Variants in OBSL1 observed in about 807,000 individuals in gnomAD.
The protein encoded by OBSL1 is obscurin like cytoskeletal adaptor 1.
OBSL1 carries 160 observed loss-of-function variants against 172.0 expected under a neutral mutation model. That is an observed-to-expected ratio of 0.93 (90% CI 0.82 to 1.06). The LOEUF (loss-of-function observed/expected upper bound fraction) is 1.06, where lower values mean the gene tolerates loss of function less well. OBSL1 is among the 50% of genes least tolerant of loss of function. OBSL1 has a pLI of 0.00. For synonymous variants in OBSL1, 1,200 were observed against 1,196.3 expected, an observed-to-expected ratio of 1.00 and a Z score of -0.06; for missense variants, 2,681 against 2,715.4, an observed-to-expected ratio of 0.99 and a Z score of 0.28.
intron 20 of OBSL1, chr2:219,551,241 T>G: frequency 7.2e-7 from 1 of 1,394,628 alleles, no homozygotes; most frequent in Non-Finnish European, 9.3e-7. Flanking sequence ...AACAGGGCTG[T>G]TCAAGAGAGA....
chr2:219,559,731 T>G, intron 8 of OBSL1: 1 of 507,974 alleles, frequency 2.0e-6, no homozygotes, highest in Non-Finnish European at 3.5e-6. Flanking sequence ...ATCACATACC[T>G]TCCTCAGCCC....
At chr2:219,552,824 C>G (rs373982957) in intron 17 of OBSL1, 44 bp downstream of exon 17, 78 of 1,536,450 alleles carry the variant, frequency 5.1e-5, no homozygotes, top group Non-Finnish European at 6.5e-5. Context: ...CCGCAAGTCT[C>G]GCGCCCAAAG....
Position 219,556,200 on chromosome 2 carries a change from C to T in OBSL1, c.4429G>A (p.Ala1477Thr), listed in dbSNP as rs199936876. 2,618 of 1,612,046 alleles carry T rather than the reference C, an allele frequency of 1.6e-3. 2 individuals are homozygous for T. The highest frequency in any genetic ancestry group is 2.0e-3 in the Non-Finnish European group (2,350 of 1,179,098). Residue 1477 changes from alanine (A) to threonine (T), a missense_variant, in exon 14 of 21, where the codon GCA (alanine) becomes ACA (threonine). Ala to Thr is a moderately conservative substitution (Grantham distance 58). Coordinates refer to ENST00000404537, the MANE Select transcript of OBSL1 (RefSeq NM_015311.3). ...CLEVETGRVG[A>T]AGAVRWVRGG... Reference sequence around the variant, plus strand: ...CGCACCCAGCGCACGGCCCCCGCTGCACCCACTCGGCCTGTCTCCACTTCG... The same window carrying T: ...CGCACCCAGCGCACGGCCCCCGCTGTACCCACTCGGCCTGTCTCCACTTCG...
chr2:219,547,219 C>T (rs777376058), downstream of OBSL1: 59 of 318,464 alleles, frequency 1.9e-4, no homozygotes, highest in Non-Finnish European at 2.7e-4. Context: ...ACTCTTGACT[C>T]AAAAGATTTA....
In OBSL1 at chr2:219,565,464, T is replaced by C. The variant is rs752398238; in HGVS notation, c.2185A>G (p.Thr729Ala). The change falls in exon 6 of 21, where the codon ACA (threonine) becomes GCA (alanine). Residue 729 changes from threonine to alanine, a missense_variant. By Grantham distance (58) the Thr-to-Ala change is moderately conservative (BLOSUM62 0). Coordinates refer to ENST00000404537, the MANE Select transcript of OBSL1 (RefSeq NM_015311.3). ...GTCAGCACCACCCGCTCTGAGGTTGTGAAGGTCAACGACACCCTGTCCTGG... is the reference window on the plus strand; with the variant it reads ...GTCAGCACCACCCGCTCTGAGGTTGCGAAGGTCAACGACACCCTGTCCTGG... ...SPQDRVSLTFTTSERVVLTCE... is the reference protein window; with the variant it reads ...SPQDRVSLTFATSERVVLTCE... The C allele has an allele frequency of 7.4e-6, 12 of 1,612,980 alleles. No homozygotes were observed. Among genetic ancestry groups the C allele is most frequent in the East Asian group, 2.2e-5 (1 of 44,880 alleles).
At chr2:219,551,482 C>G in intron 20 of OBSL1, 47 bp downstream of exon 20, 17 of 1,527,090 alleles carry the variant, frequency 1.1e-5, no homozygotes, top group Non-Finnish European at 1.5e-5. Flanking sequence ...CCCATCAGCT[C>G]CCAGGCGCCC....
rs564050558 is a variant in OBSL1 at position 219,558,293 on chromosome 2, G to A, written c.3393C>T (p.Ala1131=). Residue 1131 remains alanine (A), a synonymous_variant, in exon 10 of 21, where the codon GCC becomes GCT. Transcript: ENST00000404537. ...GGGTCAGGGTGCGGGTGGGCCCCTC[G>A]GCACCCAGCTGCAGGGCATCTGATG... ...VEASDALQLG[A]EGPTRTLTLP... The A allele has an allele frequency of 2.5e-6, 4 of 1,611,748 alleles. No homozygotes were observed. The highest frequency in any genetic ancestry group is 1.7e-4 in the Middle Eastern group (1 of 6,050).
chr2:219,560,939 G>C (rs1166620095), intron 8 of OBSL1, among the ~76,000 whole-genome samples: 1 of 152,206 alleles, frequency 6.6e-6, no homozygotes, highest in Non-Finnish European at 1.5e-5. Flanking sequence ...CTCTGGCCTA[G>C]AGCAGAGGTG....
chr2:219,554,382 T>TG, intron 15 of OBSL1, 92 bp downstream of exon 15: 1 of 1,439,118 alleles, frequency 6.9e-7, no homozygotes, highest in South Asian at 1.3e-5. Flanking sequence ...GCATGGTCAG[T>TG]GGGGGTCACA....
In OBSL1 at chr2:219,550,747, T is replaced by C; in HGVS notation, c.*88A>G. ...AGGAAATGAGCTGTAGCACTTTTAT[T>C]GTTCCTTGTCTCTCTACCCCTGCCC... is the stretch of plus-strand genomic sequence containing the variant. On this transcript the variant is annotated 3_prime_UTR_variant, in exon 21 of 21. Coordinates refer to ENST00000404537, the MANE Select transcript of OBSL1 (RefSeq NM_015311.3). 6.6e-7 allele frequency: 1 copy of C among 1,523,886 alleles called. No homozygotes were observed. The highest frequency in any genetic ancestry group is 8.9e-7 in the Non-Finnish European group (1 of 1,118,698). The allele number at this position is 1,523,886 out of a possible 1,614,324, so 94.4% of individuals were successfully genotyped here.
chr2:219,563,433 C>T lies in OBSL1; in HGVS notation c.2602G>A (p.Ala868Thr), dbSNP rs773799986. 14 of 1,613,178 alleles carry T rather than the reference C, an allele frequency of 8.7e-6. No homozygotes were observed. The highest frequency in any genetic ancestry group is 8.3e-5 in the Admixed American group (5 of 59,946). The change falls in exon 7 of 21, where the codon GCC becomes ACC. Residue 868 changes from alanine (A) to threonine (T), a missense_variant. Around this residue, in one of 5 missense-constraint regions of OBSL1, gnomAD observed 1,765 missense variants for 1,748.3 expected, o/e 1.01. Coordinates refer to ENST00000404537, the MANE Select transcript of OBSL1 (RefSeq NM_015311.3). ...TCGCCCCCGTCTGAGGGCTGGGTGG[C>T]GGGCAGCACCAGGCGGCGATGGGGC... ...EGPHRRLVLP[A>T]TQPSDGGEFQ...
chr2:219,547,952 C>G, downstream of OBSL1: 1 of 1,589,724 alleles, frequency 6.3e-7, no homozygotes, highest in Non-Finnish European at 8.5e-7. Context: ...GGTGGAGCGA[C>G]TCCGGGCTGC....
chr2:219,552,212 C>A lies in OBSL1; in HGVS notation c.5313G>T (p.Lys1771Asn), dbSNP rs781134037. Reference protein sequence around the residue: ...GARVRIRQEGKKHILVLSELR... With the variant: ...GARVRIRQEGNKHILVLSELR... The stretch of plus-strand genomic sequence containing the variant: ...GCTCGCTAAGCACCAGAATGTGTTT[C>A]TTCCCTGGGGGTGAGGGGGTCGCTA... Residue 1771 changes from lysine to asparagine, a missense_variant, in exon 19 of 21, where the codon AAG becomes AAT. By Grantham distance (94) the Lys-to-Asn change is moderately conservative. Transcript: ENST00000404537. The A allele has an allele frequency of 1.2e-6, 2 of 1,601,412 alleles. No individual in the cohort carries two copies. The highest frequency in any genetic ancestry group is 1.7e-6 in the Non-Finnish European group (2 of 1,174,704).
At chr2:219,549,584 T>G, downstream of OBSL1, 1 of 1,391,086 alleles carries the variant, frequency 7.2e-7, no homozygotes, top group South Asian at 1.4e-5. Flanking sequence ...TGGTATGTGG[T>G]GGGGTCTCAG....
At chr2:219,554,859 CA>C in intron 14 of OBSL1, 119 bp from the exon 15 acceptor site, 1 of 1,224,132 alleles carries the variant, frequency 8.2e-7, no homozygotes, top group Non-Finnish European at 1.1e-6. Flanking sequence ...AGGTCCTGAC[CA>C]AAAAAGTTCG....
Position 219,551,606 on chromosome 2 carries a change from TC to T in OBSL1, c.5605del (p.Asp1869ThrfsTer25). The T allele has an allele frequency of 6.2e-7, 1 of 1,611,242 alleles. No individual in the cohort carries two copies. Among genetic ancestry groups the T allele is most frequent in the African/African-American group, 1.3e-5 (1 of 75,004 alleles). On this transcript the variant is annotated frameshift_variant, in exon 20 of 21. Transcript: ENST00000404537. LOFTEE classifies it high-confidence loss of function. ...AGTGCCTTGGTCCTCAGGTCGAACG[TC>T]ATGGATGACCAGGCTGTGGGTGGGG... is the stretch of plus-strand genomic sequence containing the variant. ...HGPTHSLVIHDVRPEDQGTYC... is the reference protein window; with the variant it reads ...HGPTHSLVIHXVRPEDQGTYC...
rs1275661450 is a variant in OBSL1, at chr2:219,571,281, G to C, written c.-49C>G. The stretch of plus-strand genomic sequence containing the variant: ...GGCGAACGGTGGGGGGGCAGGGGGG[G>C]GTGCGGAGGGCGAGCCGAGGCCCGG... On this transcript the variant is annotated 5_prime_UTR_variant, in exon 1 of 21. Transcript: ENST00000404537. The C allele has an allele frequency of 4.8e-6, 5 of 1,045,214 alleles. 1 individual carries two copies. Among genetic ancestry groups the C allele is most frequent in the Non-Finnish European group, 6.1e-6 (5 of 814,444 alleles). 64.7% of individuals were successfully genotyped at this position (1,045,214 alleles called of 1,614,324 possible).
At chr2:219,564,148 A>G (rs568579602) in intron 6 of OBSL1, among the ~76,000 whole-genome samples, 28 of 152,194 alleles carry the variant, frequency 1.8e-4, no homozygotes, top group Non-Finnish European at 3.1e-4. Flanking sequence ...AGTGGGATCC[A>G]TGGTTCCCAA....
In OBSL1 at chr2:219,552,137, C is replaced by T; in HGVS notation, c.5388G>A (p.Gln1796=). 6.2e-7 allele frequency: 1 copy of T among 1,611,518 alleles called. No homozygotes were observed. Among genetic ancestry groups the T allele is most frequent in the Non-Finnish European group, 8.5e-7 (1 of 1,179,216 alleles). The change falls in exon 19 of 21, where the codon CAG becomes CAA. Residue 1796 remains glutamine (Q), a synonymous_variant. Transcript: ENST00000404537. The part of the protein sequence containing the change: ...GEVRFQAGPA[Q]SLALLEVEAL... ...CCTCCACTTCCAGTAGAGCCAGGGA[C>T]TGGGCGGGCCCCGCCTGGAAGCGGA...
Sources: gnomAD v4.1 joint callset for allele counts (sites outside exome capture counted in the v4.1 genomes callset) on GRCh38, gnomAD v4.1.1 for gene constraint, gnomAD v4.1.1 regional missense constraint, MANE v1.5 for transcripts, NCBI Gene and HGNC (gene_info 2026-07-23, HGNC 2026-07-21) for gene names.